Variants in RSU1 observed in about 807,000 individuals in gnomAD.
The protein encoded by RSU1 is Ras suppressor protein 1.
A neutral mutation model predicts 31.1 loss-of-function variants in RSU1; 26 were observed. The observed-to-expected ratio is 0.84, with a 90% CI of 0.61 to 1.16. RSU1 has a LOEUF of 1.16. Among genes scored for constraint, RSU1 ranks in the 50% most tolerant of loss-of-function variants. The probability of loss-of-function intolerance (pLI) is 0.00; values close to 1 mark genes in which losing one functional copy is unlikely to be tolerated. For synonymous variants in RSU1, 164 were observed against 136.3 expected (o/e 1.20, Z -1.41); for missense variants, 320 against 339.1 (o/e 0.94, Z 0.44).
In RSU1 at chr10:16,706,814, T is replaced by A. The variant is rs1588482635; in HGVS notation, c.599-11659A>T. 5.3e-5 allele frequency among the ~76,000 whole-genome samples: 8 copies of A among 152,246 alleles called. 1 individual carries two copies. The highest frequency in any genetic ancestry group is 5.2e-4 in the Admixed American group (8 of 15,284). ...AGTCAGTCTACTGTGTAACAGAACA[T>A]CAAAATTTATTCCTACTGTCTAAAT... On this transcript the variant is annotated intron_variant, in intron 7 of 8. Coordinates refer to ENST00000345264, the MANE Select transcript of RSU1 (RefSeq NM_012425.4).
chr10:16,665,457 C>G lies in RSU1; in HGVS notation c.731+29566G>C, dbSNP rs367986652. Among the ~76,000 whole-genome samples, 5 of 152,280 alleles carry G rather than the reference C, an allele frequency of 3.3e-5. No homozygotes were observed. The East Asian group carries it at 5.8e-4, about 18-fold the overall frequency. On this transcript the variant is annotated intron_variant, in intron 8 of 8. Coordinates refer to ENST00000345264, the MANE Select transcript of RSU1 (RefSeq NM_012425.4). ...AATACACTGTTAAATTGAATGACCA[C>G]AGCAATGCATTAAATTCTCAACAAA...
intron 2 of RSU1, among the ~76,000 whole-genome samples, chr10:16,797,748 CAAAAA>C (rs141741616): frequency 6.8e-6 from 1 of 146,588 alleles, no homozygotes; most frequent in African/African-American, 2.5e-5. Context: ...AAATTAGAAA[CAAAAA>C]AAATTATTTC....
intron 7 of RSU1, among the ~76,000 whole-genome samples, chr10:16,697,623 C>A (rs1408489155): frequency 6.6e-6 from 1 of 150,770 alleles, no homozygotes; most frequent in Non-Finnish European, 1.5e-5. Flanking sequence ...GAAATGGCAC[C>A]ACTGCACTCC....
intron 2 of RSU1, among the ~76,000 whole-genome samples, chr10:16,814,649 G>C (rs1191621971): frequency 2.0e-5 from 3 of 152,100 alleles, no homozygotes; most frequent in Admixed American, 2.0e-4. Context: ...AGTTTGCAGA[G>C]AGCAGCCTTG....
intron 2 of RSU1, 61 bp downstream of exon 2, chr10:16,816,912 A>T (rs1838546855): frequency 7.5e-6 from 9 of 1,202,952 alleles, no homozygotes; most frequent in Non-Finnish European, 7.4e-6. Context: ...ACCAGCAGTG[A>T]ATTGGCAAAC....
At chr10:16,812,419 G>A (rs934653280) in intron 2 of RSU1, among the ~76,000 whole-genome samples, 35 of 152,124 alleles carry the variant, frequency 2.3e-4, no homozygotes, top group African/African-American at 8.5e-4. Context: ...TCCAGCCTGG[G>A]CAACAGAGCA....
intron 8 of RSU1, among the ~76,000 whole-genome samples, chr10:16,625,932 A>C (rs894906793): frequency 6.6e-6 from 1 of 152,180 alleles, no homozygotes; most frequent in African/African-American, 2.4e-5. Flanking sequence ...AACTAACTAC[A>C]CTGCAGGGCT....
chr10:16,809,348 G>T (rs550841684), intron 2 of RSU1, among the ~76,000 whole-genome samples: 3 of 152,288 alleles, frequency 2.0e-5, no homozygotes, highest in African/African-American at 4.8e-5. Context: ...TTCTTTCACT[G>T]TGAGCTACAC....
chr10:16,713,988 T>A (rs1207850261), intron 7 of RSU1, among the ~76,000 whole-genome samples: 2 of 152,192 alleles, frequency 1.3e-5, no homozygotes, highest in Non-Finnish European at 2.9e-5. Context: ...CAATGGCCTA[T>A]GCTGTAGGTA....
At chr10:16,773,979 A>C (rs755790239) in intron 3 of RSU1, among the ~76,000 whole-genome samples, 1 of 152,178 alleles carries the variant, frequency 6.6e-6, no homozygotes. Flanking sequence ...TTCAGACTGA[A>C]AACAGCAAAA....
At chr10:16,619,328 T>C (rs1036099706) in intron 8 of RSU1, among the ~76,000 whole-genome samples, 1 of 152,202 alleles carries the variant, frequency 6.6e-6, no homozygotes, top group Non-Finnish European at 1.5e-5. Flanking sequence ...TGGTTCCAGA[T>C]AGGAGTCTTC....
chr10:16,707,791 C>G (rs1835936391), intron 7 of RSU1, among the ~76,000 whole-genome samples: 1 of 152,094 alleles, frequency 6.6e-6, no homozygotes, highest in Admixed American at 6.6e-5. Context: ...AAACCCTTCT[C>G]CAGGTCAATG....
chr10:16,800,209 T>C (rs907392283), intron 2 of RSU1, among the ~76,000 whole-genome samples: 2 of 152,106 alleles, frequency 1.3e-5, no homozygotes, highest in African/African-American at 4.8e-5. Flanking sequence ...CAAGGTACTC[T>C]AAAAAGAAGA....
chr10:16,669,087 T>C (rs751323876), intron 8 of RSU1, among the ~76,000 whole-genome samples: 1 of 152,180 alleles, frequency 6.6e-6, no homozygotes, highest in Non-Finnish European at 1.5e-5. Context: ...TCTTTGTAAG[T>C]TTCTGTTAAG....
At chr10:16,806,740 G>C (rs1358458106) in intron 2 of RSU1, among the ~76,000 whole-genome samples, 2 of 152,026 alleles carry the variant, frequency 1.3e-5, no homozygotes, top group African/African-American at 4.8e-5. Flanking sequence ...AAAGACTTAA[G>C]CATTTACAGC....
In RSU1 at chr10:16,729,541, G is replaced by T. The variant is rs75082857; in HGVS notation, c.598+22998C>A. On this transcript the variant is annotated intron_variant, in intron 7 of 8. Coordinates refer to ENST00000345264, the MANE Select transcript of RSU1 (RefSeq NM_012425.4). ...TAGATGGCCAAGGAAGGCCAAGGAA[G>T]GTGATCACTGATCTGCCCGCCCCCG... 2.6e-3 allele frequency among the ~76,000 whole-genome samples: 403 copies of T among 152,252 alleles called. 4 individuals carry two copies. In the East Asian group the frequency reaches 0.044, roughly 17 times the overall value.
intron 7 of RSU1, among the ~76,000 whole-genome samples, chr10:16,700,364 G>C (rs765033707): frequency 6.6e-6 from 1 of 152,072 alleles, no homozygotes; most frequent in African/African-American, 2.4e-5. Context: ...GGCTGATTGG[G>C]TATAGCCCAT....
chr10:16,761,975 T>G (rs1837219054), intron 4 of RSU1, among the ~76,000 whole-genome samples: 2 of 152,208 alleles, frequency 1.3e-5, no homozygotes. Flanking sequence ...GCTGTGTTTG[T>G]GCTCCTGAAG....
chr10:16,630,352 T>C (rs1834227615), intron 8 of RSU1, among the ~76,000 whole-genome samples: 1 of 152,270 alleles, frequency 6.6e-6, no homozygotes, highest in South Asian at 2.1e-4. Context: ...CTTTACTCTG[T>C]GTTCTTTCTC....
Sources: allele counts gnomAD v4.1 joint callset (sites outside exome capture counted in the v4.1 genomes callset), GRCh38; gene constraint gnomAD v4.1.1; transcripts MANE v1.5; gene names NCBI Gene and HGNC (gene_info 2026-07-23, HGNC 2026-07-21).